GYPC: variants seen among roughly 807,000 people sequenced by gnomAD.
GYPC encodes glycophorin-C.
A neutral mutation model predicts 12.6 loss-of-function variants in GYPC; 14 were observed. That is an observed-to-expected ratio of 1.11 (90% CI 0.74 to 1.74). GYPC has a LOEUF of 1.74. GYPC is among the 40% of genes most tolerant of loss of function. The pLI is 0.00. For synonymous variants in GYPC, 78 were observed against 62.1 expected, an observed-to-expected ratio of 1.26 and a Z score of -1.20; for missense variants, 225 against 172.1, an observed-to-expected ratio of 1.31 and a Z score of -1.72.
intron 1 of GYPC, among the ~76,000 whole-genome samples, chr2:126,659,676 T>C (rs892700399): frequency 2.0e-5 from 3 of 152,154 alleles, no homozygotes; most frequent in African/African-American, 7.2e-5. Context: ...TCGCTTTTGA[T>C]AAAATAACAA....
chr2:126,671,501 T>C (rs889520441), intron 1 of GYPC, among the ~76,000 whole-genome samples: 2 of 152,152 alleles, frequency 1.3e-5, no homozygotes, highest in Non-Finnish European at 2.9e-5. Context: ...TATTGGAACC[T>C]CTCCCTACCG....
chr2:126,689,137 C>G (rs190103336), intron 1 of GYPC, among the ~76,000 whole-genome samples: 2 of 152,096 alleles, frequency 1.3e-5, no homozygotes, highest in Non-Finnish European at 2.9e-5. Context: ...ATAGAGTGGT[C>G]CTTCCCACAG....
intron 1 of GYPC, among the ~76,000 whole-genome samples, chr2:126,675,439 T>C (rs1009564390): frequency 3.9e-5 from 6 of 152,294 alleles, no homozygotes; most frequent in African/African-American, 1.4e-4. Context: ...CTCACACTCC[T>C]GCTTAAACCC....
intron 1 of GYPC, among the ~76,000 whole-genome samples, chr2:126,689,954 G>A (rs1353411310): frequency 1.3e-5 from 2 of 152,188 alleles, no homozygotes; most frequent in African/African-American, 2.4e-5. Context: ...TATCTGTTGA[G>A]CATCTACCAC....
At chr2:126,671,236 C>T (rs572939535) in intron 1 of GYPC, among the ~76,000 whole-genome samples, 116 of 152,324 alleles carry the variant, frequency 7.6e-4, no homozygotes, top group African/African-American at 2.7e-3. Flanking sequence ...TGCCCTCCTC[C>T]TACCTCCTCT....
chr2:126,675,884 T>TC (rs1347538510), intron 1 of GYPC: 2 of 170,236 alleles, frequency 1.2e-5, no homozygotes, highest in Non-Finnish European at 2.4e-5. Flanking sequence ...TTTCATTTTT[T>TC]CCCACCTAAA....
intron 2 of GYPC, among the ~76,000 whole-genome samples, chr2:126,691,755 A>G (rs1375285266): frequency 2.0e-5 from 3 of 152,184 alleles, no homozygotes. Flanking sequence ...CCTGGCACCT[A>G]GTAAGCGATT....
rs202176736 is a variant in GYPC at position 126,661,443 on chromosome 2, T to TTC, written c.49+5143_49+5144dup. Among the ~76,000 whole-genome samples the TTC allele has an allele frequency of 3.1e-3, 471 of 150,976 alleles. 3 individuals are homozygous for TTC. Among genetic ancestry groups the TTC allele is most frequent in the African/African-American group, 9.6e-3 (393 of 41,060 alleles). On this transcript the variant is annotated intron_variant, in intron 1 of 3. Transcript: ENST00000259254. Reference sequence around the variant, plus strand: ...TATGCATGTGAAAGCCAGATGCCCCTTCTCTCTCTCTCTTTTTTTTTTTTT... The same window carrying TTC: ...TATGCATGTGAAAGCCAGATGCCCCTTCTCTCTCTCTCTCTTTTTTTTTTTTT...
rs760517560 is a variant in GYPC, at chr2:126,656,262, G to A, written c.-2G>A. On this transcript the variant is annotated 5_prime_UTR_variant, in exon 1 of 4. Coordinates refer to ENST00000259254, the MANE Select transcript of GYPC (RefSeq NM_002101.5). Reference sequence around the variant, plus strand: ...GGTCTCTGCCCGGGCTGACGCCCAGGAATGTGGTCGACGAGAAGCCCCAAC... The same window carrying A: ...GGTCTCTGCCCGGGCTGACGCCCAGAAATGTGGTCGACGAGAAGCCCCAAC... 7.5e-6 allele frequency: 12 copies of A among 1,603,370 alleles called. No homozygotes were observed. The East Asian group carries it at 9.0e-5, about 12-fold the overall frequency.
intron 1 of GYPC, among the ~76,000 whole-genome samples, chr2:126,668,383 C>A (rs1002745726): frequency 6.6e-6 from 1 of 152,170 alleles, no homozygotes; most frequent in African/African-American, 2.4e-5. Context: ...TGGTGCCTTC[C>A]AGAGCCAGAG....
intron 1 of GYPC, among the ~76,000 whole-genome samples, chr2:126,680,689 T>A (rs1683127901): frequency 6.6e-6 from 1 of 152,198 alleles, no homozygotes; most frequent in Non-Finnish European, 1.5e-5. Context: ...AGTGTGCAAT[T>A]GCAGCCCAGG....
At chr2:126,674,051 C>T (rs535732639) in intron 1 of GYPC, among the ~76,000 whole-genome samples, 59 of 152,306 alleles carry the variant, frequency 3.9e-4, no homozygotes, top group African/African-American at 1.3e-3. Context: ...ACACAAAGCC[C>T]GGACTCACAG....
intron 3 of GYPC, among the ~76,000 whole-genome samples, chr2:126,695,247 G>A (rs28387227): frequency 7.2e-5 from 11 of 152,158 alleles, no homozygotes; most frequent in African/African-American, 2.7e-4. Context: ...GGACTTTCCT[G>A]GTTTTAGAAC....
chr2:126,686,338 C>T, intron 1 of GYPC: 1 of 985,730 alleles, frequency 1.0e-6, no homozygotes, highest in Non-Finnish European at 1.2e-6. Flanking sequence ...GCCCGCACTG[C>T]AGGGTTGTGC....
chr2:126,693,544 C>T (rs1008431675), intron 2 of GYPC, among the ~76,000 whole-genome samples: 17 of 152,332 alleles, frequency 1.1e-4, no homozygotes, highest in Non-Finnish European at 2.1e-4. Flanking sequence ...TGCCTTCATA[C>T]ACAGCACAGA....
intron 1 of GYPC, among the ~76,000 whole-genome samples, chr2:126,670,937 TA>T (rs1682835540): frequency 6.6e-6 from 1 of 152,086 alleles, no homozygotes; most frequent in African/African-American, 2.4e-5. Flanking sequence ...CCCCCAAGCC[TA>T]AACTATTTAC....
intron 1 of GYPC, among the ~76,000 whole-genome samples, chr2:126,669,269 G>T (rs1197332314): frequency 1.3e-5 from 2 of 152,180 alleles, no homozygotes; most frequent in African/African-American, 2.4e-5. Flanking sequence ...GCGCAGTGTT[G>T]CCTGGCGACA....
intron 1 of GYPC, among the ~76,000 whole-genome samples, chr2:126,676,659 G>A (rs1379831206): frequency 3.3e-5 from 5 of 152,166 alleles, no homozygotes; most frequent in African/African-American, 4.8e-5. Context: ...ACCTGGATAG[G>A]GGGCTGGGAA....
At chr2:126,682,979 G>A (rs2104796091) in intron 1 of GYPC, among the ~76,000 whole-genome samples, 1 of 152,312 alleles carries the variant, frequency 6.6e-6, no homozygotes, top group Middle Eastern at 3.4e-3. Flanking sequence ...GTCAGGCTGG[G>A]GGAATTGTGG....
Sources: gnomAD v4.1 joint callset for allele counts (sites outside exome capture counted in the v4.1 genomes callset) on GRCh38, gnomAD v4.1.1 for gene constraint, MANE v1.5 for transcripts, NCBI Gene and HGNC (gene_info 2026-07-23, HGNC 2026-07-21) for gene names.